Variants in CCDC102A observed in about 807,000 individuals in gnomAD.
CCDC102A encodes the protein coiled-coil domain containing 102A, also known as coiled-coil domain-containing protein 102A.
Under a neutral mutation model 55.5 loss-of-function variants are expected in CCDC102A, and 40 were observed. The ratio of observed to expected loss-of-function variants is 0.72; its 90% CI spans 0.56 to 0.94. The LOEUF (loss-of-function observed/expected upper bound fraction) is 0.94, where lower values mean the gene tolerates loss of function less well. Among genes scored for constraint, CCDC102A ranks in the 40% least tolerant of loss-of-function variants. The pLI is 0.00. For missense variants in CCDC102A, 779 were observed against 768.6 expected (o/e 1.01, Z -0.16); for synonymous variants, 323 against 339.0 (o/e 0.95, Z 0.52).
chr16:57,528,917 C>T lies in CCDC102A; in HGVS notation c.261G>A (p.Ala87=), dbSNP rs1191145359. 3 of 1,397,800 alleles carry T rather than the reference C, an allele frequency of 2.1e-6. No individual in the cohort carries two copies. The highest frequency in any genetic ancestry group is 1.3e-5 in the South Asian group (1 of 79,414). 86.6% of individuals were successfully genotyped at this position (1,397,800 alleles called of 1,614,324 possible). A position where few individuals can be genotyped will look rare whatever the true frequency, so the allele number is the denominator to read the frequency against. ...GGCGCATGGTCTTCTCCATCTGCGCCGCCCGCGCCCGCGCCTCCTCCAGCT... is the reference window on the plus strand; with the variant it reads ...GGCGCATGGTCTTCTCCATCTGCGCTGCCCGCGCCCGCGCCTCCTCCAGCT... The part of the protein sequence containing the change: ...LRELEEARAR[A]AQMEKTMRRW... The change falls in exon 2 of 9, where the codon GCG becomes GCA. Residue 87 remains alanine, a synonymous_variant. Coordinates refer to ENST00000258214, the MANE Select transcript of CCDC102A (RefSeq NM_033212.4).
intron 4 of CCDC102A, among the ~76,000 whole-genome samples, chr16:57,519,514 C>A (rs139799106): frequency 6.6e-6 from 1 of 152,236 alleles, no homozygotes; most frequent in Non-Finnish European, 1.5e-5. Flanking sequence ...CATTGCTTGG[C>A]GTGCATTTAA....
chr16:57,526,205 C>G, intron 2 of CCDC102A, 78 bp from the exon 3 acceptor site: 1 of 1,060,692 alleles, frequency 9.4e-7, no homozygotes, highest in Non-Finnish European at 1.3e-6. Context: ...GATGGGTAAC[C>G]TTGGGCAAGT....
chr16:57,515,908 C>T (rs1267455844), intron 7 of CCDC102A, among the ~76,000 whole-genome samples: 3 of 151,820 alleles, frequency 2.0e-5, no homozygotes, highest in African/African-American at 7.3e-5. Context: ...TTCTTCCACC[C>T]ACTGACCCAG....
chr16:57,528,111 G>C (rs1358413488), intron 2 of CCDC102A, among the ~76,000 whole-genome samples: 1 of 152,162 alleles, frequency 6.6e-6, no homozygotes, highest in African/African-American at 2.4e-5. Flanking sequence ...GAGCCACGTC[G>C]TCCTGCCCTC....
rs2031876608 is a variant in CCDC102A at position 57,512,337 on chromosome 16, C to T, written c.*404G>A. 1 of 398,772 alleles carries T rather than the reference C, an allele frequency of 2.5e-6. No individual in the cohort carries two copies. The highest frequency in any genetic ancestry group is 3.6e-5 in the East Asian group (1 of 28,060). 24.7% of individuals were successfully genotyped at this position (398,772 alleles called of 1,614,324 possible). A position where few individuals can be genotyped will look rare whatever the true frequency, so the allele number is the denominator to read the frequency against. On this transcript the variant is annotated 3_prime_UTR_variant, in exon 9 of 9. Transcript: ENST00000258214. ...TTCATTTATTACAAATAACTGGGTTCACTGCATTGTATGATGAACAGCGAA... is the reference window on the plus strand; with the variant it reads ...TTCATTTATTACAAATAACTGGGTTTACTGCATTGTATGATGAACAGCGAA...
chr16:57,536,804 A>G (rs1029437606), upstream of CCDC102A, among the ~76,000 whole-genome samples: 18 of 151,640 alleles, frequency 1.2e-4, no homozygotes, highest in Non-Finnish European at 2.4e-4. Flanking sequence ...CGGAGGCCCC[A>G]CCCCCGTGAG....
At chr16:57,530,166 T>A (rs1230585557) in intron 1 of CCDC102A, among the ~76,000 whole-genome samples, 1 of 152,120 alleles carries the variant, frequency 6.6e-6, no homozygotes, top group African/African-American at 2.4e-5. Flanking sequence ...TCTCCCCTTC[T>A]CTGCCGGAAC....
chr16:57,518,144 C>T lies in CCDC102A; in HGVS notation c.1172G>A (p.Arg391Gln), dbSNP rs779789420. ...TGCGCTGGCTGTTTGCCGCCGCCGC[C>T]GGGCCAGCGCCTCCTCCAGGTCTCC... is the stretch of plus-strand genomic sequence containing the variant. Reference protein sequence around the residue: ...QVGDLEEALARRRRQTASALD... With the variant: ...QVGDLEEALAQRRRQTASALD... The change falls in exon 6 of 9, where the codon CGG becomes CAG. Residue 391 changes from arginine (R) to glutamine (Q), a missense_variant. Transcript: ENST00000258214. 1.7e-5 allele frequency: 28 copies of T among 1,611,050 alleles called. No homozygotes were observed. Among genetic ancestry groups the T allele is most frequent in the South Asian group, 6.6e-5 (6 of 91,060 alleles).
chr16:57,523,880 C>T (rs2032091321), intron 3 of CCDC102A, among the ~76,000 whole-genome samples: 1 of 152,162 alleles, frequency 6.6e-6, no homozygotes, highest in African/African-American at 2.4e-5. Context: ...TGGAGTGTTC[C>T]ACTCTCAGAG....
chr16:57,512,785 T>C lies in CCDC102A; in HGVS notation c.1609A>G (p.Ser537Gly). ...AGGTCCTCGTCCTCGTCCAGGTCAC[T>C]GGTTCCATCCTCGGCCTCCTCGGTG... is the stretch of plus-strand genomic sequence containing the variant. ...FGTEEAEDGT[S>G]DLDEDEDLQI... The change falls in exon 9 of 9, where the codon AGT becomes GGT. Residue 537 changes from serine to glycine, a missense_variant. Ser to Gly is a moderately conservative substitution (Grantham distance 56, BLOSUM62 0). Transcript: ENST00000258214. The C allele has an allele frequency of 6.2e-7, 1 of 1,614,176 alleles. No homozygotes were observed. The highest frequency in any genetic ancestry group is 2.2e-5 in the East Asian group (1 of 44,874).
chr16:57,524,721 T>A (rs1177565648), intron 3 of CCDC102A, among the ~76,000 whole-genome samples: 4 of 151,902 alleles, frequency 2.6e-5, no homozygotes, highest in African/African-American at 9.7e-5. Flanking sequence ...ATTGATTTTT[T>A]AAAAAGGAGT....
At chr16:57,522,917 A>T (rs2032076740) in intron 3 of CCDC102A, among the ~76,000 whole-genome samples, 1 of 152,232 alleles carries the variant, frequency 6.6e-6, no homozygotes, top group Non-Finnish European at 1.5e-5. Flanking sequence ...CTGTAATCCT[A>T]GCGCTTTGGG....
In CCDC102A at chr16:57,528,966, C is replaced by G. The variant is rs750946071; in HGVS notation, c.212G>C (p.Ser71Thr). The G allele has an allele frequency of 3.0e-6, 4 of 1,329,910 alleles. No homozygotes were observed. Among genetic ancestry groups the G allele is most frequent in the Non-Finnish European group, 3.9e-6 (4 of 1,029,476 alleles). 82.4% of individuals were successfully genotyped at this position (1,329,910 alleles called of 1,614,324 possible). A position where few individuals can be genotyped will look rare whatever the true frequency, so the allele number is the denominator to read the frequency against. ...PALLADGDWE[S>T]REELRLRELE... ...CTCCCGCAGCCGCAGCTCCTCGCGGCTCTCCCAGTCGCCGTCGGCCAGCAG... is the reference window on the plus strand; with the variant it reads ...CTCCCGCAGCCGCAGCTCCTCGCGGGTCTCCCAGTCGCCGTCGGCCAGCAG... The change falls in exon 2 of 9, where the codon AGC becomes ACC. Residue 71 changes from serine to threonine, a missense_variant. Ser to Thr is a moderately conservative substitution (Grantham distance 58, BLOSUM62 1). Transcript: ENST00000258214.
At chr16:57,512,974 C>T (rs769606981) in intron 8 of CCDC102A, 104 bp from the exon 9 acceptor site, 97 of 913,206 alleles carry the variant, frequency 1.1e-4, no homozygotes, top group Non-Finnish European at 1.6e-4. Context: ...CTGGTGCTTT[C>T]CCTGCTGTCT....
chr16:57,534,226 C>G (rs1416505919), intron 1 of CCDC102A, among the ~76,000 whole-genome samples: 1 of 152,186 alleles, frequency 6.6e-6, no homozygotes, highest in Non-Finnish European at 1.5e-5. Context: ...TGCCATCTCT[C>G]TTCTGGCAGT....
chr16:57,516,303 G>T lies in CCDC102A; in HGVS notation c.1409C>A (p.Ala470Asp), dbSNP rs1361337007. 1.9e-6 allele frequency: 3 copies of T among 1,605,080 alleles called. No homozygotes were observed. Among genetic ancestry groups the T allele is most frequent in the East Asian group, 2.2e-5 (1 of 44,894 alleles). The stretch of plus-strand genomic sequence containing the variant: ...CTCTGTGGTCCTCACCTCGTCCTCA[G>T]CCTGGGCCAGCTCCTTCTTGAGCTC... ...VEELKKELAQ[A>D]EDELDEAHNQ... Residue 470 changes from alanine to aspartate, a missense_variant, in exon 7 of 9, where the codon GCT (alanine) becomes GAT (aspartate). Coordinates refer to ENST00000258214, the MANE Select transcript of CCDC102A (RefSeq NM_033212.4). The surrounding 1 kb of genome is among the most constrained non-coding windows in gnomAD (Gnocchi z 4.4).
At chr16:57,533,295 C>T (rs1372869301) in intron 1 of CCDC102A, among the ~76,000 whole-genome samples, 1 of 151,974 alleles carries the variant, frequency 6.6e-6, no homozygotes, top group African/African-American at 2.4e-5. Flanking sequence ...GGGTGGGGGT[C>T]GGGGTCCTCA....
At chr16:57,512,952 G>A (rs1411267690) in intron 8 of CCDC102A, 82 bp from the exon 9 acceptor site, 5 of 1,238,774 alleles carry the variant, frequency 4.0e-6, no homozygotes, top group Non-Finnish European at 5.8e-6. Context: ...TGCTGGAGCA[G>A]TTAAGCCTTC....
rs977372352 is a variant in CCDC102A, at chr16:57,518,094, G to A, written c.1222C>T (p.Gln408Ter). ...SALDCDLRAS[Q>*]AALFEKNKEL... Reference sequence around the variant, plus strand: ...TTGTTCTTCTCGAAGAGCGCGGCCTGGCTGGCCCTCAGGTCGCAGTCCAGT... The same window carrying A: ...TTGTTCTTCTCGAAGAGCGCGGCCTAGCTGGCCCTCAGGTCGCAGTCCAGT... Residue 408 changes from glutamine to a stop codon, truncating the protein, a stop_gained, in exon 6 of 9, where the codon CAG (glutamine) becomes TAG (stop). Transcript: ENST00000258214. LOFTEE classifies it high-confidence loss of function. 1.9e-6 allele frequency: 3 copies of A among 1,604,536 alleles called. No homozygotes were observed. The highest frequency in any genetic ancestry group is 8.5e-7 in the Non-Finnish European group (1 of 1,177,858).
Sources: gnomAD v4.1 joint callset for allele counts (sites outside exome capture counted in the v4.1 genomes callset) on GRCh38, gnomAD v4.1.1 for gene constraint, Gnocchi (gnomAD v3.1) non-coding constraint, MANE v1.5 for transcripts, NCBI Gene and HGNC (gene_info 2026-07-23, HGNC 2026-07-21) for gene names.